The following ZBTB43 variants were observed in gnomAD, a reference collection of about 807,000 sequenced individuals.
The protein encoded by ZBTB43 is zinc finger and BTB domain containing 43, also known as zinc finger and BTB domain-containing protein 43.
Under a neutral mutation model 31.1 loss-of-function variants are expected in ZBTB43, and 6 were observed. The ratio of observed to expected loss-of-function variants is 0.19; its 90% confidence interval spans 0.11 to 0.38. The LOEUF (loss-of-function observed/expected upper bound fraction) is 0.38, where lower values mean the gene tolerates loss of function less well. Ranked by LOEUF, ZBTB43 falls within the 10% of genes least tolerant of loss-of-function variation. ZBTB43 has a pLI of 1.00. For synonymous variants in ZBTB43, 212 were observed against 221.7 expected (o/e 0.96, Z 0.39); for missense variants, 379 against 602.1 (o/e 0.63, Z 3.88).
In ZBTB43 at chr9:126,837,920, A is replaced by G. The variant is rs967714249; in HGVS notation, c.*4007A>G. 3.0e-5 allele frequency: 5 copies of G among 165,876 alleles called. No homozygotes were observed. The highest frequency in any genetic ancestry group is 2.1e-4 in the South Asian group (1 of 4,778). 10.3% of individuals were successfully genotyped at this position (165,876 alleles called of 1,614,324 possible). Reference sequence around the variant, plus strand: ...CTTCTTTCCTTTTGTGAGGTTCCCAATGTTTCGTCCAGAAAAGTACTTTAT... The same window carrying G: ...CTTCTTTCCTTTTGTGAGGTTCCCAGTGTTTCGTCCAGAAAAGTACTTTAT... On this transcript the variant is annotated 3_prime_UTR_variant, in exon 3 of 3. Coordinates refer to ENST00000373464, the MANE Select transcript of ZBTB43 (RefSeq NM_014007.4).
At position 126,836,620 on chromosome 9, in the gene ZBTB43, A is replaced by G. The variant is rs1158527709; in HGVS notation, c.*2707A>G. ...AATAGTCTCTTCTCTTCACCTCAAT[A>G]TAGCTTTAGAAAATCTTTATCCTTC... On this transcript the variant is annotated 3_prime_UTR_variant, in exon 3 of 3. Coordinates refer to ENST00000373464, the MANE Select transcript of ZBTB43 (RefSeq NM_014007.4). 1 of 167,076 alleles carries G rather than the reference A, an allele frequency of 6.0e-6. No individual in the cohort carries two copies. Among genetic ancestry groups the G allele is most frequent in the African/African-American group, 2.4e-5 (1 of 41,432 alleles). 10.3% of individuals were successfully genotyped at this position (167,076 alleles called of 1,614,324 possible).
chr9:126,819,279 ATTTTTTTTTT>A (rs71377975), intron 2 of ZBTB43, among the ~76,000 whole-genome samples: 207 of 100,192 alleles, frequency 2.1e-3, no homozygotes, highest in Non-Finnish European at 3.4e-3. Flanking sequence ...CGGATATTGC[ATTTTTTTTTT>A]TTTTTTTTTT....
chr9:126,828,220 G>T (rs1250657961), intron 2 of ZBTB43, among the ~76,000 whole-genome samples: 1 of 150,950 alleles, frequency 6.6e-6, no homozygotes. Flanking sequence ...GTCTTGCTCT[G>T]TCGCCCAGGC....
At chr9:126,806,131 C>T (rs938751332) in intron 1 of ZBTB43, among the ~76,000 whole-genome samples, 24 of 152,214 alleles carry the variant, frequency 1.6e-4, no homozygotes, top group African/African-American at 5.8e-4. Context: ...TTCGCTCTAT[C>T]CACTCACCAC....
intron 2 of ZBTB43, among the ~76,000 whole-genome samples, chr9:126,812,735 C>T (rs2032277054): frequency 6.6e-6 from 1 of 152,110 alleles, no homozygotes; most frequent in South Asian, 2.1e-4. Flanking sequence ...TCTTCAGATC[C>T]TTTATCTGTT....
chr9:126,818,021 T>G (rs897188140), intron 2 of ZBTB43, among the ~76,000 whole-genome samples: 5 of 152,182 alleles, frequency 3.3e-5, no homozygotes, highest in African/African-American at 1.2e-4. Context: ...TATTGTTATC[T>G]TAACAATATT....
Position 126,814,663 on chromosome 9 carries a change from G to A in ZBTB43, c.-24+5748G>A, listed in dbSNP as rs9792590. On this transcript the variant is annotated intron_variant, in intron 2 of 2. Coordinates refer to ENST00000373464, the MANE Select transcript of ZBTB43 (RefSeq NM_014007.4). ...AAAAAATTAGCCGGGCATGGTGGTG[G>A]ATGCCCGTAGTCCCAGCTACTTGGG... is the stretch of plus-strand genomic sequence containing the variant. 0.022 allele frequency among the ~76,000 whole-genome samples: 3,328 copies of A among 152,094 alleles called. 431 individuals carry two copies. The East Asian group carries it at 0.38, about 18-fold the overall frequency.
chr9:126,810,667 AT>A (rs1444244441), intron 2 of ZBTB43, among the ~76,000 whole-genome samples: 3 of 149,402 alleles, frequency 2.0e-5, no homozygotes, highest in South Asian at 4.2e-4. Flanking sequence ...TGCACAGCTA[AT>A]TTTTTTTTGT....
chr9:126,831,227 T>A (rs2032755560), intron 2 of ZBTB43, among the ~76,000 whole-genome samples: 1 of 152,156 alleles, frequency 6.6e-6, no homozygotes, highest in South Asian at 2.1e-4. Flanking sequence ...TTCCTTGCAA[T>A]TGCCAAATGC....
intron 2 of ZBTB43, among the ~76,000 whole-genome samples, chr9:126,826,144 G>C (rs1387940212): frequency 6.6e-6 from 1 of 151,464 alleles, no homozygotes; most frequent in Non-Finnish European, 1.5e-5. Flanking sequence ...CTCCCGAGTA[G>C]CTGGTATTAC....
chr9:126,820,519 G>A (rs1024586823), intron 2 of ZBTB43, among the ~76,000 whole-genome samples: 10 of 152,152 alleles, frequency 6.6e-5, no homozygotes, highest in African/African-American at 2.4e-4. Flanking sequence ...TTTTTACAAA[G>A]CATTACTGCT....
rs1395343841 is a variant in ZBTB43 at position 126,835,649 on chromosome 9, A to G, written c.*1736A>G. On this transcript the variant is annotated 3_prime_UTR_variant, in exon 3 of 3. Transcript: ENST00000373464. ...CTTGTAAGCAAGATTACAAACAGGGATTTATTCACAACACTGTATCATTCT... is the reference window on the plus strand; with the variant it reads ...CTTGTAAGCAAGATTACAAACAGGGGTTTATTCACAACACTGTATCATTCT... 2 of 166,982 alleles carry G rather than the reference A, an allele frequency of 1.2e-5. No homozygotes were observed. Among genetic ancestry groups the G allele is most frequent in the Non-Finnish European group, 2.9e-5 (2 of 68,100 alleles). The allele number at this position is 166,982 out of a possible 1,614,324, so 10.3% of individuals were successfully genotyped here. A position where few individuals can be genotyped will look rare whatever the true frequency, so the allele number is the denominator to read the frequency against.
rs112294446 is a variant in ZBTB43 at position 126,814,064 on chromosome 9, G to A, written c.-24+5149G>A. ...TTGCATTAAATTAGCTTTATTGATA[G>A]CTGTCTAAACCTATAGATTCTTGTC... On this transcript the variant is annotated intron_variant, in intron 2 of 2. Transcript: ENST00000373464. Among the ~76,000 whole-genome samples, 431 of 152,216 alleles carry A rather than the reference G, an allele frequency of 2.8e-3. 3 individuals carry two copies. Among genetic ancestry groups the A allele is most frequent in the African/African-American group, 1.0e-2 (415 of 41,532 alleles).
rs764645703 is a variant in ZBTB43, at chr9:126,832,958, G to T, written c.449G>T (p.Gly150Val). 1.9e-6 allele frequency: 3 copies of T among 1,613,806 alleles called. No homozygotes were observed. Among genetic ancestry groups the T allele is most frequent in the Admixed American group, 3.3e-5 (2 of 60,020 alleles). ...TCACCAAGCAGCAGTAGTTATAATGGCCTGGTAGAGAGCTTTGAGCTGGGC... is the reference window on the plus strand; with the variant it reads ...TCACCAAGCAGCAGTAGTTATAATGTCCTGGTAGAGAGCTTTGAGCTGGGC... ...HQSPSSSSYN[G>V]LVESFELGSG... is the part of the protein sequence containing the mutation. The change falls in exon 3 of 3, where the codon GGC becomes GTC. Residue 150 changes from glycine (G) to valine (V), a missense_variant. This residue lies in a region of ZBTB43 where 253 missense variants were observed against 322.3 expected (regional missense o/e 0.79). Transcript: ENST00000373464.
At chr9:126,811,876 G>A (rs555066019) in intron 2 of ZBTB43, among the ~76,000 whole-genome samples, 10 of 152,252 alleles carry the variant, frequency 6.6e-5, no homozygotes, top group South Asian at 4.1e-4. Context: ...CACCCACCTC[G>A]GCCTCCCGAA....
At chr9:126,807,894 C>T in intron 1 of ZBTB43, among the ~76,000 whole-genome samples, 1 of 152,152 alleles carries the variant, frequency 6.6e-6, no homozygotes, top group South Asian at 2.1e-4. Context: ...CCTTGGCCTC[C>T]CAAAGTGCTG....
At chr9:126,829,638 C>A (rs2032724051) in intron 2 of ZBTB43, among the ~76,000 whole-genome samples, 1 of 151,828 alleles carries the variant, frequency 6.6e-6, no homozygotes, top group South Asian at 2.1e-4. Flanking sequence ...GAGATATAAA[C>A]AGGAGTTTAA....
rs908573897 is a variant in ZBTB43 at position 126,837,724 on chromosome 9, T to G, written c.*3811T>G. On this transcript the variant is annotated 3_prime_UTR_variant, in exon 3 of 3. Transcript: ENST00000373464. ...ACTTTTGTTCAGTGAAACCAGGGTT[T>G]GTTTGGGGTTTTTTTCTTTGCTACT... 6.0e-6 allele frequency: 1 copy of G among 167,112 alleles called. No homozygotes were observed. Among genetic ancestry groups the G allele is most frequent in the Non-Finnish European group, 1.5e-5 (1 of 68,140 alleles). The allele number at this position is 167,112 out of a possible 1,614,324, so 10.4% of individuals were successfully genotyped here. A position where few individuals can be genotyped will look rare whatever the true frequency, so the allele number is the denominator to read the frequency against.
At chr9:126,812,174 C>T (rs995940043) in intron 2 of ZBTB43, among the ~76,000 whole-genome samples, 2 of 152,098 alleles carry the variant, frequency 1.3e-5, no homozygotes, top group Non-Finnish European at 2.9e-5. Flanking sequence ...CAAGATACGG[C>T]CTTTTGTGTC....
Sources: gnomAD v4.1 joint callset for allele counts (sites outside exome capture counted in the v4.1 genomes callset) on GRCh38, gnomAD v4.1.1 for gene constraint, gnomAD v4.1.1 regional missense constraint, MANE v1.5 for transcripts, NCBI Gene and HGNC (gene_info 2026-07-23, HGNC 2026-07-21) for gene names.